Variants in LDB2 observed in about 807,000 individuals in gnomAD.
LDB2 encodes the protein LIM domain binding 2, also known as LIM domain-binding protein 2.
In LDB2, 12 loss-of-function variants were observed where a neutral mutation model predicts 44.3. The ratio of observed to expected loss-of-function variants is 0.27; its 90% confidence interval spans 0.17 to 0.44. The LOEUF (loss-of-function observed/expected upper bound fraction) is 0.44. Ranked by LOEUF, LDB2 falls within the 20% of genes least tolerant of loss-of-function variation. The pLI, the probability that LDB2 is intolerant of heterozygous loss-of-function variation, is 1.00. For missense variants in LDB2, 344 were observed against 473.5 expected (o/e 0.73, Z 2.54); for synonymous variants, 164 against 174.8 (o/e 0.94, Z 0.49).
chr4:16,827,485 G>T (rs1783277703), intron 1 of LDB2, among the ~76,000 whole-genome samples: 1 of 152,170 alleles, frequency 6.6e-6, no homozygotes, highest in Non-Finnish European at 1.5e-5. Context: ...AGGATAACTG[G>T]TTAAGCAAAG....
intron 1 of LDB2, among the ~76,000 whole-genome samples, chr4:16,762,631 C>T (rs1392995835): frequency 1.3e-5 from 2 of 152,160 alleles, no homozygotes; most frequent in African/African-American, 4.8e-5. Context: ...CCCCATGATT[C>T]AATTATCTCC....
chr4:16,502,377 A>C lies in LDB2; in HGVS notation c.*266T>G, dbSNP rs145420608. On this transcript the variant is annotated 3_prime_UTR_variant, in exon 8 of 8. Transcript: ENST00000304523. The stretch of plus-strand genomic sequence containing the variant: ...AAAACCGTGCCAGAAGATGCGCTAG[A>C]GTTTTCTCTCATTTTAATTACAATC... 2.2e-6 allele frequency: 1 copy of C among 459,918 alleles called. No individual in the cohort carries two copies. Among genetic ancestry groups the C allele is most frequent in the African/African-American group, 1.9e-5 (1 of 51,746 alleles). 28.5% of individuals were successfully genotyped at this position (459,918 alleles called of 1,614,324 possible). A position where few individuals can be genotyped will look rare whatever the true frequency, so the allele number is the denominator to read the frequency against.
At chr4:16,758,564 C>G (rs116799774) in intron 2 of LDB2, among the ~76,000 whole-genome samples, 2,006 of 152,272 alleles carry the variant, frequency 0.013, 46 homozygotes, top group African/African-American at 0.045. Flanking sequence ...AGCTGTTACC[C>G]AAGGTGCCAC....
intron 2 of LDB2, among the ~76,000 whole-genome samples, chr4:16,648,045 T>C (rs1737250135): frequency 6.6e-6 from 1 of 152,194 alleles, no homozygotes; most frequent in Admixed American, 6.5e-5. Context: ...CCTTGAGAAG[T>C]GTAACTTTTC....
At chr4:16,776,670 A>C (rs2109402963) in intron 1 of LDB2, among the ~76,000 whole-genome samples, 1 of 152,364 alleles carries the variant, frequency 6.6e-6, no homozygotes, top group South Asian at 2.1e-4. Flanking sequence ...GACCCTGTAT[A>C]CTAGCGGATG....
chr4:16,802,982 G>A (rs1044756561), intron 1 of LDB2, among the ~76,000 whole-genome samples: 2 of 152,180 alleles, frequency 1.3e-5, no homozygotes, highest in African/African-American at 4.8e-5. Context: ...TGGAGCCAGA[G>A]ACCCCTCGAC....
At chr4:16,693,347 C>CTTTTTTTTTT (rs71181181) in intron 2 of LDB2, among the ~76,000 whole-genome samples, 4 of 112,120 alleles carry the variant, frequency 3.6e-5, no homozygotes, top group East Asian at 6.1e-4. Flanking sequence ...AGCAATAGTT[C>CTTTTTTTTTT]TTTTTTTTTT....
chr4:16,550,358 G>C (rs918476205), intron 5 of LDB2, among the ~76,000 whole-genome samples: 2 of 152,150 alleles, frequency 1.3e-5, no homozygotes, highest in African/African-American at 4.8e-5. Context: ...AAGACCCTGG[G>C]TTCCTGGGTA....
intron 1 of LDB2, among the ~76,000 whole-genome samples, chr4:16,850,647 G>A (rs1788033601): frequency 6.6e-6 from 1 of 152,128 alleles, no homozygotes; most frequent in Non-Finnish European, 1.5e-5. Flanking sequence ...CTAACCCCTA[G>A]AATGATAATC....
At chr4:16,524,088 C>T (rs768639774) in intron 5 of LDB2, among the ~76,000 whole-genome samples, 15 of 152,074 alleles carry the variant, frequency 9.9e-5, no homozygotes, top group Admixed American at 4.6e-4. Context: ...AATAGGGATG[C>T]GGTAGGATGG....
chr4:16,671,479 C>G (rs1744753447), intron 2 of LDB2, among the ~76,000 whole-genome samples: 1 of 152,170 alleles, frequency 6.6e-6, no homozygotes, highest in South Asian at 2.1e-4. Flanking sequence ...CTTTGTCCCT[C>G]CAGGTCCCTA....
intron 1 of LDB2, among the ~76,000 whole-genome samples, chr4:16,808,100 GA>G (rs954019852): frequency 1.3e-5 from 2 of 151,940 alleles, no homozygotes; most frequent in South Asian, 2.1e-4. Context: ...CATTAAAAAG[GA>G]AAAAAAGAAG....
At chr4:16,773,734 AT>A (rs1378444080) in intron 1 of LDB2, among the ~76,000 whole-genome samples, 1 of 151,850 alleles carries the variant, frequency 6.6e-6, no homozygotes, top group Non-Finnish European at 1.5e-5. Flanking sequence ...CTTTTTTCAT[AT>A]TCCTTTCTTT....
At chr4:16,680,644 A>G (rs1747596679) in intron 2 of LDB2, among the ~76,000 whole-genome samples, 1 of 152,232 alleles carries the variant, frequency 6.6e-6, no homozygotes, top group East Asian at 1.9e-4. Context: ...GCAAGTAAGT[A>G]TAGAAGCATG....
intron 2 of LDB2, among the ~76,000 whole-genome samples, chr4:16,673,290 A>T (rs1166185497): frequency 6.6e-6 from 1 of 152,220 alleles, no homozygotes; most frequent in Non-Finnish European, 1.5e-5. Context: ...GATTATCAGT[A>T]TGCACACACT....
chr4:16,884,353 C>T (rs1721028934), intron 1 of LDB2, among the ~76,000 whole-genome samples: 1 of 152,074 alleles, frequency 6.6e-6, no homozygotes, highest in East Asian at 1.9e-4. Context: ...AATAATCATG[C>T]TATCGTCCAA....
chr4:16,726,992 CG>C (rs1759629038), intron 2 of LDB2, among the ~76,000 whole-genome samples: 1 of 152,014 alleles, frequency 6.6e-6, no homozygotes, highest in Admixed American at 6.6e-5. Context: ...TAACATGGGT[CG>C]GTTTGCTTTA....
At chr4:16,622,836 C>T (rs1729263027) in intron 2 of LDB2, among the ~76,000 whole-genome samples, 1 of 152,206 alleles carries the variant, frequency 6.6e-6, no homozygotes, top group South Asian at 2.1e-4. Context: ...ATTTTAGATA[C>T]TTTGTCTTCA....
chr4:16,536,938 A>AAGTGCTGGGCCCACTCC (rs2152315193), intron 5 of LDB2, among the ~76,000 whole-genome samples: 1 of 152,344 alleles, frequency 6.6e-6, no homozygotes, highest in South Asian at 2.1e-4. Context: ...GATGTAAATG[A>AAGTGCTGGGCCCACTCC]AGTGCTGGGC....
Sources: gnomAD v4.1 joint callset for allele counts (sites outside exome capture counted in the v4.1 genomes callset) on GRCh38, gnomAD v4.1.1 for gene constraint, MANE v1.5 for transcripts, NCBI Gene and HGNC (gene_info 2026-07-23, HGNC 2026-07-21) for gene names.